The following CCDC91 variants were observed in gnomAD, a reference collection of about 807,000 sequenced individuals.
CCDC91 encodes the protein coiled-coil domain containing 91, also known as coiled-coil domain-containing protein 91.
In CCDC91, 48 loss-of-function variants were observed where a neutral mutation model predicts 63.2. The ratio of observed to expected loss-of-function variants is 0.76; its 90% confidence interval spans 0.60 to 0.97. CCDC91 has a LOEUF of 0.97. Among genes scored for constraint, CCDC91 ranks in the 50% least tolerant of loss-of-function variants. The pLI, the probability that CCDC91 is intolerant of heterozygous loss-of-function variation, is 0.00. For missense variants in CCDC91, 500 were observed against 494.6 expected (o/e 1.01, Z -0.10); for synonymous variants, 167 against 165.8 (o/e 1.01, Z -0.06).
chr12:28,441,648 CAT>C (rs778163662), intron 8 of CCDC91, among the ~76,000 whole-genome samples: 220 of 146,802 alleles, frequency 1.5e-3, no homozygotes, highest in Non-Finnish European at 2.6e-3. Flanking sequence ...ATCTCTCTCT[CAT>C]ATGTGTATAT....
At chr12:28,253,846 G>A (rs1164645908) in intron 1 of CCDC91, among the ~76,000 whole-genome samples, 1 of 152,120 alleles carries the variant, frequency 6.6e-6, no homozygotes, top group Non-Finnish European at 1.5e-5. Flanking sequence ...GGCATTTAAT[G>A]ATGCTTCCAA....
chr12:28,531,435 A>C (rs1941720622), intron 12 of CCDC91, among the ~76,000 whole-genome samples: 2 of 152,292 alleles, frequency 1.3e-5, no homozygotes, highest in South Asian at 4.1e-4. Flanking sequence ...CAGGTTGATT[A>C]TATGTGTGTA....
At chr12:28,316,475 CTT>C (rs2137291101) in intron 6 of CCDC91, among the ~76,000 whole-genome samples, 1 of 136,194 alleles carries the variant, frequency 7.3e-6, no homozygotes, top group South Asian at 2.4e-4. Flanking sequence ...TTCCAAGTAT[CTT>C]TTAGCTTACT....
intron 12 of CCDC91, among the ~76,000 whole-genome samples, chr12:28,493,701 T>C (rs1952131686): frequency 6.6e-6 from 1 of 151,780 alleles, no homozygotes; most frequent in Admixed American, 6.6e-5. Context: ...CTTCCATACT[T>C]ACATATAGTA....
At chr12:28,201,464 T>C (rs2652076) in intron 1 of CCDC91, among the ~76,000 whole-genome samples, 6 of 125,472 alleles carry the variant, frequency 4.8e-5, no homozygotes, top group Non-Finnish European at 7.1e-5. Context: ...ACTTCCTAGA[T>C]GGGATGGCGA....
chr12:28,197,338 T>C (rs1488279163), intron 1 of CCDC91, among the ~76,000 whole-genome samples: 1 of 152,180 alleles, frequency 6.6e-6, no homozygotes, highest in African/African-American at 2.4e-5. Flanking sequence ...TTTCTGCCTA[T>C]ACTATTTTGT....
At chr12:28,446,751 C>T (rs1263226883) in intron 8 of CCDC91, among the ~76,000 whole-genome samples, 1 of 152,122 alleles carries the variant, frequency 6.6e-6, no homozygotes, top group African/African-American at 2.4e-5. Flanking sequence ...ATATGTGAGC[C>T]ACCTTGTGCG....
At chr12:28,323,817 C>T (rs1007852958) in intron 6 of CCDC91, among the ~76,000 whole-genome samples, 13 of 151,712 alleles carry the variant, frequency 8.6e-5, no homozygotes, top group Non-Finnish European at 1.6e-4. Context: ...TATGCAAAGC[C>T]CTGCAGTTGT....
chr12:28,448,902 C>T (rs73085953), intron 8 of CCDC91, among the ~76,000 whole-genome samples: 6 of 152,022 alleles, frequency 3.9e-5, no homozygotes, highest in African/African-American at 9.6e-5. Context: ...TGAAATTCTG[C>T]GTGCATCTAG....
At chr12:28,501,912 A>G (rs1463077459) in intron 12 of CCDC91, among the ~76,000 whole-genome samples, 7 of 151,646 alleles carry the variant, frequency 4.6e-5, no homozygotes, top group Non-Finnish European at 8.8e-5. Flanking sequence ...CAGAGATTCA[A>G]CTTCTTCCTG....
intron 12 of CCDC91, among the ~76,000 whole-genome samples, chr12:28,514,068 A>G (rs1376186462): frequency 6.6e-6 from 1 of 151,964 alleles, no homozygotes; most frequent in Non-Finnish European, 1.5e-5. Context: ...ACTAACTTAC[A>G]CTGCCATCAG....
intron 8 of CCDC91, among the ~76,000 whole-genome samples, chr12:28,429,078 T>C (rs141200992): frequency 4.3e-4 from 65 of 152,236 alleles, no homozygotes; most frequent in African/African-American, 1.5e-3. Flanking sequence ...TAACTAGTGG[T>C]TGGTGTTGAT....
intron 10 of CCDC91, among the ~76,000 whole-genome samples, chr12:28,450,873 C>G (rs1364027980): frequency 6.6e-6 from 1 of 151,616 alleles, no homozygotes; most frequent in Non-Finnish European, 1.5e-5. Flanking sequence ...ATTTAGCAAA[C>G]AAATATTGAA....
rs557288062 is a variant in CCDC91 at position 28,368,259 on chromosome 12, A to G, written c.654+5744A>G. Among the ~76,000 whole-genome samples the G allele has an allele frequency of 5.3e-5, 8 of 152,352 alleles. No individual in the cohort carries two copies. The South Asian group carries it at 1.7e-3, about 32-fold the overall frequency. ...CAGAGGAAATGGAACAAGTGCTGAAAAAAGAACTTTTAACCACAAATTTCA... is the reference window on the plus strand; with the variant it reads ...CAGAGGAAATGGAACAAGTGCTGAAGAAAGAACTTTTAACCACAAATTTCA... On this transcript the variant is annotated intron_variant, in intron 7 of 12. Coordinates refer to ENST00000536442, the MANE Select transcript of CCDC91 (RefSeq NM_018318.5).
chr12:28,293,484 T>C (rs781205575), intron 3 of CCDC91, among the ~76,000 whole-genome samples: 1 of 152,230 alleles, frequency 6.6e-6, no homozygotes, highest in Non-Finnish European at 1.5e-5. Flanking sequence ...AAGAGCTTAT[T>C]TGAGGACTGT....
chr12:28,493,549 A>G (rs1341991292), intron 12 of CCDC91, among the ~76,000 whole-genome samples: 1 of 151,664 alleles, frequency 6.6e-6, no homozygotes, highest in Non-Finnish European at 1.5e-5. Flanking sequence ...CAGAACTTAC[A>G]TGCATGGAAT....
At chr12:28,500,787 A>C (rs777054375) in intron 12 of CCDC91, among the ~76,000 whole-genome samples, 29 of 151,798 alleles carry the variant, frequency 1.9e-4, no homozygotes, top group Non-Finnish European at 3.7e-4. Flanking sequence ...AGATATTTGA[A>C]CTGCATTATC....
At chr12:28,432,820 C>T (rs376633214) in intron 8 of CCDC91, among the ~76,000 whole-genome samples, 4 of 152,206 alleles carry the variant, frequency 2.6e-5, no homozygotes, top group African/African-American at 9.6e-5. Context: ...AGTGTCTGTA[C>T]CATTTTGGTT....
chr12:28,269,972 G>A (rs1213762153), intron 3 of CCDC91, among the ~76,000 whole-genome samples: 1 of 151,706 alleles, frequency 6.6e-6, no homozygotes, highest in East Asian at 1.9e-4. Flanking sequence ...CAGCTAGTAT[G>A]CATTAATTTT....
Sources: gnomAD v4.1 joint callset for allele counts (sites outside exome capture counted in the v4.1 genomes callset) on GRCh38, gnomAD v4.1.1 for gene constraint, MANE v1.5 for transcripts, NCBI Gene and HGNC (gene_info 2026-07-23, HGNC 2026-07-21) for gene names.